Variants in DLGAP2 observed in about 807,000 individuals in gnomAD.
DLGAP2 encodes DLG associated protein 2.
In DLGAP2, 26 loss-of-function variants were observed where a neutral mutation model predicts 100.3. The observed-to-expected ratio is 0.26, with a 90% CI of 0.19 to 0.36. DLGAP2 has a LOEUF of 0.36. Ranked by LOEUF, DLGAP2 falls within the 10% of genes least tolerant of loss-of-function variation. DLGAP2 has a pLI of 1.00. For missense variants in DLGAP2, 1,858 were observed against 1,453.2 expected, an observed-to-expected ratio of 1.28 and a Z score of -4.53; for synonymous variants, 886 against 630.1, an observed-to-expected ratio of 1.41 and a Z score of -6.08.
At chr8:1,337,465 G>C (rs866680060) in intron 3 of DLGAP2, among the ~76,000 whole-genome samples, 2,534 of 14,112 alleles carry the variant, frequency 0.18, 66 homozygotes, top group Middle Eastern at 0.28. Flanking sequence ...GGTGAGAATG[G>C]TGAGGATGAT....
At chr8:1,303,745 T>A (rs769080067) in intron 3 of DLGAP2, among the ~76,000 whole-genome samples, 3 of 152,068 alleles carry the variant, frequency 2.0e-5, no homozygotes, top group Non-Finnish European at 4.4e-5. Context: ...TCCTCTGGTC[T>A]CTGGGGTTTT....
At chr8:784,035 A>T (rs920229654) in intron 1 of DLGAP2, among the ~76,000 whole-genome samples, 35 of 152,234 alleles carry the variant, frequency 2.3e-4, no homozygotes, top group African/African-American at 8.4e-4. Context: ...CCATCCAGGT[A>T]TTAATGCAAT....
At chr8:1,291,372 A>G (rs1042215468) in intron 3 of DLGAP2, among the ~76,000 whole-genome samples, 2 of 152,132 alleles carry the variant, frequency 1.3e-5, no homozygotes, top group East Asian at 1.9e-4. Flanking sequence ...CTATTTTTCT[A>G]TCATGGGCAT....
intron 8 of DLGAP2, among the ~76,000 whole-genome samples, chr8:1,642,155 C>A (rs866639315): frequency 4.4e-5 from 1 of 22,832 alleles, no homozygotes; most frequent in Non-Finnish European, 6.5e-5. Flanking sequence ...TCACCCTCGA[C>A]CCCGCCGGTC....
chr8:1,309,247 A>T (rs1300622278), intron 3 of DLGAP2, among the ~76,000 whole-genome samples: 2 of 152,232 alleles, frequency 1.3e-5, no homozygotes, highest in African/African-American at 4.8e-5. Context: ...ATACAAATCC[A>T]AGAAGCATAA....
intron 3 of DLGAP2, among the ~76,000 whole-genome samples, chr8:1,457,713 T>C (rs1798353808): frequency 6.6e-6 from 1 of 151,970 alleles, no homozygotes; most frequent in African/African-American, 2.4e-5. Context: ...ACTTCCTTCA[T>C]GAAAGCCAAA....
intron 3 of DLGAP2, among the ~76,000 whole-genome samples, chr8:1,362,628 A>C (rs538373127): frequency 1.3e-5 from 2 of 152,196 alleles, no homozygotes; most frequent in Admixed American, 6.5e-5. Flanking sequence ...TAACACCAGC[A>C]CCGTCCTCAG....
At chr8:1,436,477 AG>A (rs1401296516) in intron 3 of DLGAP2, among the ~76,000 whole-genome samples, 2 of 152,186 alleles carry the variant, frequency 1.3e-5, no homozygotes, top group African/African-American at 2.4e-5. Flanking sequence ...TGCCTCTCCC[AG>A]CCCACTGACT....
intron 8 of DLGAP2, among the ~76,000 whole-genome samples, chr8:1,656,264 C>T (rs982579931): frequency 6.6e-6 from 1 of 151,592 alleles, no homozygotes; most frequent in Non-Finnish European, 1.5e-5. Context: ...GAGCTGAGAT[C>T]GTGCCACTGC....
intron 2 of DLGAP2, among the ~76,000 whole-genome samples, chr8:1,116,584 C>T (rs918409133): frequency 6.6e-6 from 1 of 152,012 alleles, no homozygotes; most frequent in African/African-American, 2.4e-5. Context: ...TTGCCTGACC[C>T]CAGGCATTTG....
intron 4 of DLGAP2, among the ~76,000 whole-genome samples, chr8:1,512,615 T>A (rs4876079): frequency 7.2e-5 from 11 of 151,874 alleles, no homozygotes; most frequent in Non-Finnish European, 7.4e-5. Context: ...TGAGGCTGTC[T>A]GTTAAAAGCA....
At chr8:1,344,809 C>CT (rs1456856336) in intron 3 of DLGAP2, among the ~76,000 whole-genome samples, 1 of 152,202 alleles carries the variant, frequency 6.6e-6, no homozygotes, top group Non-Finnish European at 1.5e-5. Context: ...GGGCGTGTGT[C>CT]TGACTCACAG....
chr8:1,022,199 C>A (rs527417810), intron 2 of DLGAP2, among the ~76,000 whole-genome samples: 21 of 151,912 alleles, frequency 1.4e-4, no homozygotes, highest in African/African-American at 4.8e-4. Flanking sequence ...CCAAACACCA[C>A]CCACCCTCCC....
intron 2 of DLGAP2, among the ~76,000 whole-genome samples, chr8:1,039,300 C>T (rs1386506691): frequency 7.8e-6 from 1 of 127,694 alleles, no homozygotes; most frequent in South Asian, 2.7e-4. Context: ...GGCTCGGTTT[C>T]CATGGTCAGC....
intron 2 of DLGAP2, among the ~76,000 whole-genome samples, chr8:908,601 A>G (rs987330027): frequency 5.3e-5 from 8 of 152,232 alleles, no homozygotes; most frequent in African/African-American, 1.9e-4. Context: ...CGTTATCATT[A>G]CAATTAAGGG....
intron 11 of DLGAP2, among the ~76,000 whole-genome samples, chr8:1,677,803 A>G (rs1000781944): frequency 1.3e-5 from 2 of 152,236 alleles, no homozygotes; most frequent in Non-Finnish European, 2.9e-5. Flanking sequence ...CTGAAACACA[A>G]TTTGGAAGCC....
Position 1,548,716 on chromosome 8 carries a change from G to C in DLGAP2, c.263G>C (p.Arg88Pro). The C allele has an allele frequency of 6.2e-7, 1 of 1,606,602 alleles. No individual in the cohort carries two copies. Among genetic ancestry groups the C allele is most frequent in the Non-Finnish European group, 8.5e-7 (1 of 1,178,012 alleles). The change falls in exon 5 of 15, where the codon CGG becomes CCG. Residue 88 changes from arginine to proline, a missense_variant. Transcript: ENST00000637795. ...PRSMKGLSGS[R>P]TQPPLCSGHT... Reference sequence around the variant, plus strand: ...AGCATGAAGGGCCTTTCCGGAAGTCGGACCCAGCCGCCGCTGTGTTCCGGG... The same window carrying C: ...AGCATGAAGGGCCTTTCCGGAAGTCCGACCCAGCCGCCGCTGTGTTCCGGG...
intron 3 of DLGAP2, among the ~76,000 whole-genome samples, chr8:1,315,405 C>G (rs1426572216): frequency 2.8e-5 from 4 of 141,020 alleles, no homozygotes; most frequent in Non-Finnish European, 4.6e-5. Context: ...ACTCGAGAAA[C>G]TCGGCAGCTT....
intron 2 of DLGAP2, among the ~76,000 whole-genome samples, chr8:975,613 A>C (rs1308062936): frequency 6.6e-6 from 1 of 152,220 alleles, no homozygotes; most frequent in Non-Finnish European, 1.5e-5. Flanking sequence ...GTAATCATTC[A>C]CAGGCTAAGG....
Sources: allele counts gnomAD v4.1 joint callset (sites outside exome capture counted in the v4.1 genomes callset), GRCh38; gene constraint gnomAD v4.1.1; transcripts MANE v1.5; gene names NCBI Gene and HGNC (gene_info 2026-07-23, HGNC 2026-07-21).